Variants in MED15 observed in about 807,000 individuals in gnomAD.
MED15 encodes the protein mediator of RNA polymerase II transcription subunit 15.
MED15 carries 41 observed loss-of-function variants against 118.7 expected under a neutral mutation model. The observed-to-expected ratio is 0.35, with a 90% CI of 0.27 to 0.45. The LOEUF (loss-of-function observed/expected upper bound fraction) is 0.45, where lower values mean the gene tolerates loss of function less well. MED15 is among the 20% of genes least tolerant of loss of function. The probability of loss-of-function intolerance (pLI) is 1.00; values close to 1 mark genes in which losing one functional copy is unlikely to be tolerated. For missense variants in MED15, 740 were observed against 1,025.5 expected, an observed-to-expected ratio of 0.72 and a Z score of 3.80; for synonymous variants, 436 against 413.9, an observed-to-expected ratio of 1.05 and a Z score of -0.65.
At chr22:20,567,530 G>A (rs529477340) in intron 7 of MED15, among the ~76,000 whole-genome samples, 1 of 152,308 alleles carries the variant, frequency 6.6e-6, no homozygotes, top group Non-Finnish European at 1.5e-5. Context: ...TAGGCAGACT[G>A]GAAGTCTAGG....
rs376030569 is a variant in MED15, at chr22:20,582,646, G to A, written c.1308G>A (p.Pro436=). 7.4e-5 allele frequency: 118 copies of A among 1,584,908 alleles called. No homozygotes were observed. The highest frequency in any genetic ancestry group is 5.4e-4 in the Admixed American group (31 of 57,824). Residue 436 remains proline, a synonymous_variant, in exon 10 of 18, where the codon CCG becomes CCA. Coordinates refer to ENST00000263205, the MANE Select transcript of MED15 (RefSeq NM_001003891.3). ...GCAGCCTCCCCATGCTGTCCTCGCC[G>A]TCACCGGGCCAGCAGGTGCAGACCC... ...SQSSLPMLSS[P]SPGQQVQTPQ...
chr22:20,540,312 T>G (rs2055245785), intron 2 of MED15, among the ~76,000 whole-genome samples: 1 of 152,186 alleles, frequency 6.6e-6, no homozygotes, highest in Admixed American at 6.5e-5. Flanking sequence ...AAATAAAATT[T>G]TAAATACATA....
chr22:20,586,775 G>A lies in MED15; in HGVS notation c.*71G>A, dbSNP rs574917593. On this transcript the variant is annotated 3_prime_UTR_variant, in exon 18 of 18. Transcript: ENST00000263205. ...CACGCCTCCTGTCAGACACTTCTAG[G>A]TGTTGGCTTCCTTAGAGAGCCTGGG... 2.9e-5 allele frequency: 46 copies of A among 1,581,658 alleles called. No homozygotes were observed. In the South Asian group the frequency reaches 4.7e-4, roughly 16 times the overall value.
At chr22:20,550,893 C>T (rs895772564) in intron 2 of MED15, 3 of 346,878 alleles carry the variant, frequency 8.6e-6, no homozygotes, top group African/African-American at 2.1e-5. Flanking sequence ...CTTGCCTGTG[C>T]GTAAATGGAG....
At chr22:20,542,240 A>G (rs1222919667) in intron 2 of MED15, among the ~76,000 whole-genome samples, 1 of 152,262 alleles carries the variant, frequency 6.6e-6, no homozygotes, top group African/African-American at 2.4e-5. Context: ...GAGAAAAGAA[A>G]ACATGTCCAC....
At chr22:20,561,573 T>C (rs1338557354) in intron 5 of MED15, among the ~76,000 whole-genome samples, 1 of 151,326 alleles carries the variant, frequency 6.6e-6, no homozygotes, top group Admixed American at 6.6e-5. Context: ...TTTAAAAATA[T>C]AAGTAATCAT....
rs768967784 is a variant in MED15 at position 20,584,352 on chromosome 22, T to G, written c.1737-7T>G. On this transcript the variant is annotated splice_region_variant and splice_polypyrimidine_tract_variant and intron_variant, in intron 13 of 17. Transcript: ENST00000263205. ...ACTCTTTCAGCCCAAGTCCTCTCTC[T>G]CTGCAGGTGTCCCCTGAAGACCTTG... The G allele has an allele frequency of 6.2e-7, 1 of 1,613,582 alleles. No homozygotes were observed. The highest frequency in any genetic ancestry group is 8.5e-7 in the Non-Finnish European group (1 of 1,179,696).
chr22:20,533,849 G>A (rs2054948716), intron 1 of MED15, among the ~76,000 whole-genome samples: 1 of 152,134 alleles, frequency 6.6e-6, no homozygotes, highest in African/African-American at 2.4e-5. Context: ...AGCTCACCAA[G>A]CATATTTCTT....
intron 1 of MED15, chr22:20,522,713 G>C (rs912445049): frequency 1.3e-5 from 2 of 152,538 alleles, no homozygotes; most frequent in Admixed American, 1.3e-4. Context: ...CAGTCAGTGG[G>C]AGATGGGGGA....
intron 14 of MED15, 154 bp from the exon 15 acceptor site, chr22:20,584,701 C>T (rs2057082872): frequency 3.9e-6 from 4 of 1,036,984 alleles, no homozygotes; most frequent in Admixed American, 2.3e-5. Flanking sequence ...GGGATTATTC[C>T]CAGGATCAGC....
intron 1 of MED15, among the ~76,000 whole-genome samples, chr22:20,528,015 T>C (rs2054719395): frequency 6.6e-6 from 1 of 151,238 alleles, no homozygotes; most frequent in African/African-American, 2.4e-5. Flanking sequence ...CGCCTCAGCC[T>C]CTGAAAGTAC....
chr22:20,532,465 G>A lies in MED15; in HGVS notation c.69-4652G>A, dbSNP rs143734459. Among the ~76,000 whole-genome samples the A allele has an allele frequency of 6.1e-3, 934 of 152,284 alleles. 10 individuals carry two copies. Among genetic ancestry groups the A allele is most frequent in the African/African-American group, 0.021 (888 of 41,536 alleles). On this transcript the variant is annotated intron_variant, in intron 1 of 17. Coordinates refer to ENST00000263205, the MANE Select transcript of MED15 (RefSeq NM_001003891.3). ...CTCCAAGGGCCTGTAATGATGAATC[G>A]GTCCCCTGGGAGGCTTCAGTCTAAG...
intron 2 of MED15, 114 bp from the exon 3 acceptor site, chr22:20,551,322 T>C: frequency 1.1e-6 from 1 of 948,472 alleles, no homozygotes; most frequent in Non-Finnish European, 1.7e-6. Flanking sequence ...CGTCTGAATC[T>C]GCCTTGCAGG....
chr22:20,544,614 C>T (rs1387872457), intron 2 of MED15, among the ~76,000 whole-genome samples: 2 of 152,010 alleles, frequency 1.3e-5, no homozygotes, highest in East Asian at 1.9e-4. Flanking sequence ...TGCAGTGAGC[C>T]GAGATCGCGG....
intron 1 of MED15, among the ~76,000 whole-genome samples, chr22:20,516,859 C>T (rs2054273993): frequency 6.6e-6 from 1 of 151,592 alleles, no homozygotes; most frequent in African/African-American, 2.4e-5. Context: ...GAAGAAAGAC[C>T]CCTATGTCCA....
intron 1 of MED15, among the ~76,000 whole-genome samples, chr22:20,523,475 C>G (rs1481157470): frequency 1.3e-5 from 2 of 152,100 alleles, no homozygotes; most frequent in Non-Finnish European, 2.9e-5. Flanking sequence ...CTTCACCCAC[C>G]CTTCCTCATC....
In MED15 at chr22:20,555,072, C is replaced by T. The variant is rs777159406; in HGVS notation, c.375C>T (p.Leu125=). The T allele has an allele frequency of 6.2e-7, 1 of 1,612,824 alleles. No individual in the cohort carries two copies. Among genetic ancestry groups the T allele is most frequent in the Non-Finnish European group, 8.5e-7 (1 of 1,179,932 alleles). ...SLGAMGQPMS[L]SGQPPPGTSG... is the part of the protein sequence containing the mutation. ...GTGCCATGGGACAGCCAATGTCTCT[C>T]TCAGGGCAGCCGCCTCCTGGGACCT... Residue 125 remains leucine (L), a synonymous_variant, in exon 5 of 18, where the codon CTC becomes CTT. Coordinates refer to ENST00000263205, the MANE Select transcript of MED15 (RefSeq NM_001003891.3).
chr22:20,516,050 C>A (rs1366645036), intron 1 of MED15, among the ~76,000 whole-genome samples: 1 of 151,588 alleles, frequency 6.6e-6, no homozygotes, highest in African/African-American at 2.4e-5. Context: ...GGCGCGGTGG[C>A]TCACACCTGT....
rs190199565 is a variant in MED15 at position 20,532,020 on chromosome 22, G to A, written c.69-5097G>A. On this transcript the variant is annotated intron_variant, in intron 1 of 17. Coordinates refer to ENST00000263205, the MANE Select transcript of MED15 (RefSeq NM_001003891.3). Reference sequence around the variant, plus strand: ...GAGCAGGCTCCTCAGTGGGCTCCTGGACAGGCTGCCTGCTCTGCTGGTGAG... The same window carrying A: ...GAGCAGGCTCCTCAGTGGGCTCCTGAACAGGCTGCCTGCTCTGCTGGTGAG... 1.2e-4 allele frequency among the ~76,000 whole-genome samples: 19 copies of A among 152,348 alleles called. No individual in the cohort carries two copies. The East Asian group carries it at 3.7e-3, about 29-fold the overall frequency.
Sources: gnomAD v4.1 joint callset for allele counts (sites outside exome capture counted in the v4.1 genomes callset) on GRCh38, gnomAD v4.1.1 for gene constraint, MANE v1.5 for transcripts, NCBI Gene and HGNC (gene_info 2026-07-23, HGNC 2026-07-21) for gene names.